SNX29: variants seen among roughly 807,000 people sequenced by gnomAD.
SNX29 encodes the protein sorting nexin-29.
A neutral mutation model predicts 102.1 loss-of-function variants in SNX29; 78 were observed. The ratio of observed to expected loss-of-function variants is 0.76; its 90% CI spans 0.64 to 0.92. The LOEUF is 0.92. SNX29 is among the 40% of genes least tolerant of loss of function. The pLI, the probability that SNX29 is intolerant of heterozygous loss-of-function variation, is 0.00. For synonymous variants in SNX29, 580 were observed against 414.5 expected (o/e 1.40, Z -4.85); for missense variants, 1,280 against 1,061.7 (o/e 1.21, Z -2.86).
intron 9 of SNX29, among the ~76,000 whole-genome samples, chr16:12,064,355 C>A (rs10500382): frequency 1.3e-5 from 2 of 152,030 alleles, no homozygotes; most frequent in Non-Finnish European, 2.9e-5. Flanking sequence ...GTCCAGGGAA[C>A]GTAGCTCCCC....
Position 12,571,293 on chromosome 16 carries a change from ACACCCTGGAAATGTGTCAACTGCCTGT to A in SNX29, c.*2667_*2693del. On this transcript the variant is annotated 3_prime_UTR_variant, in exon 21 of 21. Coordinates refer to ENST00000566228, the MANE Select transcript of SNX29 (RefSeq NM_032167.5). ...GGCTGAAACCTGGTGCCCAAATTCC[ACACCCTGGAAATGTGTCAACTGCCTGT>A]CAGCCTGGATTCAATTCTGAGGGCT... is the stretch of plus-strand genomic sequence containing the variant. 1 of 232,004 alleles carries A rather than the reference ACACCCTGGAAATGTGTCAACTGCCTGT, an allele frequency of 4.3e-6. No individual in the cohort carries two copies. Among genetic ancestry groups the A allele is most frequent in the Non-Finnish European group, 8.5e-6 (1 of 117,336 alleles). The allele number at this position is 232,004 out of a possible 1,614,324, so 14.4% of individuals were successfully genotyped here. A position where few individuals can be genotyped will look rare whatever the true frequency, so the allele number is the denominator to read the frequency against.
intron 10 of SNX29, among the ~76,000 whole-genome samples, chr16:12,069,716 A>G (rs1232177367): frequency 6.6e-6 from 1 of 152,044 alleles, no homozygotes; most frequent in Non-Finnish European, 1.5e-5. Flanking sequence ...TTTTTGAGAC[A>G]GTCTCGCTGT....
At chr16:12,562,588 C>G (rs145289598) in intron 20 of SNX29, among the ~76,000 whole-genome samples, 1 of 152,148 alleles carries the variant, frequency 6.6e-6, no homozygotes. Flanking sequence ...TACCCAGAGA[C>G]GGGGACAAAG....
intron 11 of SNX29, among the ~76,000 whole-genome samples, chr16:12,122,244 C>T (rs2054003209): frequency 6.6e-6 from 1 of 152,184 alleles, no homozygotes; most frequent in South Asian, 2.1e-4. Context: ...GCCTCTGTCG[C>T]CACCTTCCTT....
chr16:12,070,338 C>T, intron 10 of SNX29, among the ~76,000 whole-genome samples: 1 of 125,594 alleles, frequency 8.0e-6, no homozygotes, highest in South Asian at 3.1e-4. Context: ...TCCCCCCACC[C>T]CACAACAGTC....
chr16:12,546,877 G>GT (rs34359633), intron 20 of SNX29, among the ~76,000 whole-genome samples: 1 of 152,206 alleles, frequency 6.6e-6, no homozygotes, highest in Non-Finnish European at 1.5e-5. Flanking sequence ...GGCTGGTTTG[G>GT]TTTTTCCAGG....
chr16:12,511,159 C>T (rs2089601821), intron 19 of SNX29, among the ~76,000 whole-genome samples: 1 of 152,112 alleles, frequency 6.6e-6, no homozygotes, highest in Non-Finnish European at 1.5e-5. Flanking sequence ...TTTGGTTCAC[C>T]CTATGTGAAC....
intron 19 of SNX29, among the ~76,000 whole-genome samples, chr16:12,514,548 C>T (rs988972704): frequency 2.0e-5 from 3 of 152,160 alleles, no homozygotes; most frequent in Admixed American, 6.5e-5. Context: ...CAGCTTCATT[C>T]TTCTGAAATG....
chr16:12,270,147 C>G (rs8056108), intron 14 of SNX29, among the ~76,000 whole-genome samples: 2 of 152,120 alleles, frequency 1.3e-5, no homozygotes, highest in Admixed American at 6.5e-5. Flanking sequence ...CAGATGTGAG[C>G]CACCACGTCC....
chr16:12,352,925 C>G (rs2082027354), intron 15 of SNX29, among the ~76,000 whole-genome samples: 1 of 152,186 alleles, frequency 6.6e-6, no homozygotes, highest in South Asian at 2.1e-4. Context: ...GCACATCAGA[C>G]TCTCAAACTG....
At chr16:12,424,134 TTTTCAGA>T (rs2084968510) in intron 18 of SNX29, among the ~76,000 whole-genome samples, 1 of 152,228 alleles carries the variant, frequency 6.6e-6, no homozygotes, top group East Asian at 1.9e-4. Flanking sequence ...GACTTTGTAC[TTTTCAGA>T]TTTCAGAAGC....
At chr16:12,151,845 C>A (rs1476420690) in intron 13 of SNX29, among the ~76,000 whole-genome samples, 7 of 152,196 alleles carry the variant, frequency 4.6e-5, no homozygotes, top group Non-Finnish European at 1.0e-4. Flanking sequence ...AAGTGATTCT[C>A]CTGCCTCAGC....
At chr16:12,401,593 A>G (rs2083946078) in intron 17 of SNX29, among the ~76,000 whole-genome samples, 1 of 151,922 alleles carries the variant, frequency 6.6e-6, no homozygotes, top group African/African-American at 2.4e-5. Flanking sequence ...CGAACTCCTG[A>G]CCTCAGATGA....
chr16:12,218,840 C>T (rs1352549883), intron 14 of SNX29, among the ~76,000 whole-genome samples: 2 of 152,006 alleles, frequency 1.3e-5, no homozygotes, highest in Non-Finnish European at 2.9e-5. Context: ...AGTGGCGCGA[C>T]CTCGGCTCAC....
chr16:12,154,169 TCTTC>T (rs1232184454), intron 13 of SNX29, among the ~76,000 whole-genome samples: 3 of 152,206 alleles, frequency 2.0e-5, no homozygotes, highest in African/African-American at 7.2e-5. Flanking sequence ...TTTTTCCCTT[TCTTC>T]CTTAAGGGAA....
At chr16:12,155,236 G>T (rs944551067) in intron 13 of SNX29, among the ~76,000 whole-genome samples, 1 of 152,212 alleles carries the variant, frequency 6.6e-6, no homozygotes, top group Non-Finnish European at 1.5e-5. Flanking sequence ...TATTTGGTTA[G>T]AAGGTTTGTA....
intron 11 of SNX29, among the ~76,000 whole-genome samples, chr16:12,121,182 T>C (rs993675864): frequency 6.6e-6 from 1 of 152,202 alleles, no homozygotes; most frequent in Non-Finnish European, 1.5e-5. Context: ...GGTGGGGCTT[T>C]GGTGGGCAGA....
At chr16:12,089,359 C>T (rs1472298842) in intron 11 of SNX29, among the ~76,000 whole-genome samples, 1 of 151,704 alleles carries the variant, frequency 6.6e-6, no homozygotes, top group Admixed American at 6.6e-5. Flanking sequence ...TAAAAAAACC[C>T]AATAGAAAAA....
intron 19 of SNX29, among the ~76,000 whole-genome samples, chr16:12,524,241 C>T (rs576812071): frequency 1.2e-4 from 19 of 152,204 alleles, no homozygotes; most frequent in Admixed American, 1.1e-3. Context: ...TTTCGAGAAA[C>T]TCCCCTGAAG....
Sources: allele counts gnomAD v4.1 joint callset (sites outside exome capture counted in the v4.1 genomes callset), GRCh38; gene constraint gnomAD v4.1.1; transcripts MANE v1.5; gene names NCBI Gene and HGNC (gene_info 2026-07-23, HGNC 2026-07-21).